The following MUC13 variants were observed in gnomAD, a reference collection of about 807,000 sequenced individuals.
The protein encoded by MUC13 is mucin 13, cell surface associated.
A neutral mutation model predicts 48.3 loss-of-function variants in MUC13; 32 were observed. The ratio of observed to expected loss-of-function variants is 0.66; its 90% CI spans 0.50 to 0.89. The LOEUF is 0.89. Among genes scored for constraint, MUC13 ranks in the 40% least tolerant of loss-of-function variants. The pLI is 0.00. For missense variants in MUC13, 571 were observed against 622.8 expected, an observed-to-expected ratio of 0.92 and a Z score of 0.88; for synonymous variants, 199 against 224.9, an observed-to-expected ratio of 0.88 and a Z score of 1.03.
chr3:124,922,796 A>C (rs1935625383), intron 3 of MUC13, among the ~76,000 whole-genome samples: 1 of 81,236 alleles, frequency 1.2e-5, no homozygotes, highest in African/African-American at 4.6e-5. Context: ...TAAAGGTTGC[A>C]TAATATTCTG....
intron 2 of MUC13, among the ~76,000 whole-genome samples, chr3:124,927,049 C>T (rs1935701844): frequency 6.6e-6 from 1 of 152,176 alleles, no homozygotes; most frequent in Non-Finnish European, 1.5e-5. Context: ...TTCTACCCCT[C>T]AGTCTCAAAT....
Position 124,927,736 on chromosome 3 carries a change from C to T in MUC13, c.310G>A (p.Ala104Thr). ...ACATTTGTGGTTGACTCACTGTCTG[C>T]AGCAGTAGGTATAGGAATTGTGGAG... is the stretch of plus-strand genomic sequence containing the variant. ...SSSTIPIPTA[A>T]DSESTTNVNS... The change falls in exon 2 of 12, where the codon GCA becomes ACA. Residue 104 changes from alanine to threonine, a missense_variant. Physicochemically the swap from Ala to Thr is moderately conservative, Grantham distance 58. Transcript: ENST00000616727. The T allele has an allele frequency of 6.2e-7, 1 of 1,614,016 alleles. No homozygotes were observed. Among genetic ancestry groups the T allele is most frequent in the South Asian group, 1.1e-5 (1 of 91,062 alleles).
chr3:124,922,239 A>G lies in MUC13; in HGVS notation c.702T>C (p.His234=). 6.2e-7 allele frequency: 1 copy of G among 1,614,182 alleles called. No homozygotes were observed. Among genetic ancestry groups the G allele is most frequent in the Non-Finnish European group, 8.5e-7 (1 of 1,180,020 alleles). Residue 234 remains histidine (H), a synonymous_variant, in exon 4 of 12, where the codon CAT becomes CAC. Transcript: ENST00000616727. Reference sequence around the variant, plus strand: ...TATGCAAGTCTTGATAGGCCATGGAATGTTTCTCTTCTGGGTCAAATGTTT... The same window carrying G: ...TATGCAAGTCTTGATAGGCCATGGAGTGTTTCTCTTCTGGGTCAAATGTTT... ...VSETFDPEEK[H]SMAYQDLHSE...
At chr3:124,910,645 G>T (rs771936297) in intron 9 of MUC13, 146 bp from the exon 10 acceptor site, 75 of 1,317,148 alleles carry the variant, frequency 5.7e-5, no homozygotes, top group Non-Finnish European at 7.5e-5. Context: ...TGGGTAGTTG[G>T]CCTATTTCCT....
At chr3:124,922,114 C>T (rs1935606266) in intron 4 of MUC13, 83 bp downstream of exon 4, 1 of 1,498,262 alleles carries the variant, frequency 6.7e-7, no homozygotes, top group African/African-American at 1.4e-5. Flanking sequence ...GAGCGTGAAC[C>T]ACCTGAAGAC....
intron 9 of MUC13, among the ~76,000 whole-genome samples, chr3:124,910,764 C>G (rs529846729): frequency 2.0e-5 from 3 of 152,194 alleles, no homozygotes; most frequent in Non-Finnish European, 4.4e-5. Flanking sequence ...GCAGGGTCTT[C>G]CTGGACTTTG....
intron 1 of MUC13, among the ~76,000 whole-genome samples, chr3:124,932,687 C>A (rs994958645): frequency 6.6e-6 from 1 of 152,128 alleles, no homozygotes; most frequent in Non-Finnish European, 1.5e-5. Context: ...GGCTCTTTGT[C>A]TCATTTAATC....
intron 9 of MUC13, 38 bp from the exon 10 acceptor site, chr3:124,910,537 G>T: frequency 6.2e-7 from 1 of 1,612,062 alleles, no homozygotes; most frequent in Non-Finnish European, 8.5e-7. Context: ...TCTCCAACAA[G>T]CTGGCCCCCA....
intron 11 of MUC13, 73 bp from the exon 12 acceptor site, chr3:124,906,815 A>T (rs1935328247): frequency 6.6e-6 from 1 of 152,228 alleles, no homozygotes; most frequent in Non-Finnish European, 1.5e-5. Context: ...GATCGTTTAG[A>T]TCTGTAAATT....
In MUC13 at chr3:124,922,266, T is replaced by C. The variant is rs569692558; in HGVS notation, c.675A>G (p.Ser225=). The C allele has an allele frequency of 6.2e-7, 1 of 1,614,172 alleles. No homozygotes were observed. Among genetic ancestry groups the C allele is most frequent in the South Asian group, 1.1e-5 (1 of 91,072 alleles). ...GTTTCTCTTCTGGGTCAAATGTTTCTGATACTGTCACTGAAATCTTCCCAG... is the reference window on the plus strand; with the variant it reads ...GTTTCTCTTCTGGGTCAAATGTTTCCGATACTGTCACTGAAATCTTCCCAG... The part of the protein sequence containing the change: ...VFPGKISVTV[S]ETFDPEEKHS... The change falls in exon 4 of 12, where the codon TCA becomes TCG. Residue 225 remains serine (S), a synonymous_variant. Transcript: ENST00000616727.
At chr3:124,920,349 A>G (rs1935573913) in intron 4 of MUC13, 60 bp from the exon 5 acceptor site, 1 of 1,305,112 alleles carries the variant, frequency 7.7e-7, no homozygotes, top group Admixed American at 2.1e-5. Context: ...CATTTTCTAC[A>G]AATCAAATGA....
intron 9 of MUC13, among the ~76,000 whole-genome samples, chr3:124,910,827 C>G (rs1380447838): frequency 6.6e-6 from 1 of 152,214 alleles, no homozygotes; most frequent in South Asian, 2.1e-4. Context: ...CCTCTGCTGC[C>G]TTTGCCTGCC....
At chr3:124,923,116 A>AC (rs1553771867) in intron 3 of MUC13, among the ~76,000 whole-genome samples, 9 of 151,294 alleles carry the variant, frequency 5.9e-5, no homozygotes, top group Admixed American at 3.9e-4. Context: ...AAAAAAAAAA[A>AC]CAGAACTCAG....
In MUC13 at chr3:124,913,677, G is replaced by A. The variant is rs767969862; in HGVS notation, c.969C>T (p.Thr323=). 6.2e-7 allele frequency: 1 copy of A among 1,614,050 alleles called. No individual in the cohort carries two copies. The highest frequency in any genetic ancestry group is 1.1e-5 in the South Asian group (1 of 91,074). The change falls in exon 7 of 12, where the codon ACC becomes ACT. Residue 323 remains threonine (T), a synonymous_variant. Transcript: ENST00000616727. ...TACAGCCATAATAATCACACCGAAG[G>A]GTCACTGAGAAGCACAAATAGTTTA... The part of the protein sequence containing the change: ...SSSNFLNYDL[T]LRCDYYGCNQ...
Position 124,913,598 on chromosome 3 carries a change from G to A in MUC13, c.1048C>T (p.Leu350=), listed in dbSNP as rs1459845526. 6.2e-7 allele frequency: 1 copy of A among 1,614,230 alleles called. No homozygotes were observed. The highest frequency in any genetic ancestry group is 1.1e-5 in the South Asian group (1 of 91,084). Residue 350 remains leucine, a synonymous_variant, in exon 7 of 12, where the codon CTG becomes TTG. Transcript: ENST00000616727. Reference sequence around the variant, plus strand: ...GGGCTCTGTGGGTTAGGCCTTTGCAGGTCAGATTTGCAATCGCATGCTAAA... The same window carrying A: ...GGGCTCTGTGGGTTAGGCCTTTGCAAGTCAGATTTGCAATCGCATGCTAAA... ...NGLACDCKSD[L]QRPNPQSPFC... is the part of the protein sequence containing the mutation.
At position 124,913,194 on chromosome 3, in the gene MUC13, T is replaced by C. The variant is rs1181435128; in HGVS notation, c.1131A>G (p.Gln377=). The stretch of plus-strand genomic sequence containing the variant: ...CCCCACCACTCTTCTTTATTAAGCA[T>C]TGCTTGTGCTGTGCGTTGCAGGCAT... ...CPDACNAQHK[Q]CLIKKSGGAP... Residue 377 remains glutamine (Q), a synonymous_variant, in exon 8 of 12, where the codon CAA becomes CAG. Transcript: ENST00000616727. The C allele has an allele frequency of 3.1e-6, 5 of 1,614,104 alleles. No homozygotes were observed. Among genetic ancestry groups the C allele is most frequent in the South Asian group, 1.1e-5 (1 of 91,064 alleles).
chr3:124,923,239 T>C (rs1935632223), intron 3 of MUC13, among the ~76,000 whole-genome samples: 1 of 152,188 alleles, frequency 6.6e-6, no homozygotes, highest in Admixed American at 6.5e-5. Flanking sequence ...AGGGCTCTTA[T>C]GTCTCTAAGA....
intron 2 of MUC13, among the ~76,000 whole-genome samples, chr3:124,924,200 A>G (rs1935650875): frequency 6.6e-6 from 1 of 152,238 alleles, no homozygotes; most frequent in African/African-American, 2.4e-5. Flanking sequence ...AACTCAGTGA[A>G]AATTCTAAGA....
chr3:124,908,392 T>C, intron 10 of MUC13, 44 bp from the exon 11 acceptor site: 1 of 1,438,696 alleles, frequency 7.0e-7, no homozygotes, highest in Non-Finnish European at 9.7e-7. Context: ...TGGCAGAAAG[T>C]TTCTTGAAGT....
Sources: allele counts gnomAD v4.1 joint callset (sites outside exome capture counted in the v4.1 genomes callset), GRCh38; gene constraint gnomAD v4.1.1; transcripts MANE v1.5; gene names NCBI Gene and HGNC (gene_info 2026-07-23, HGNC 2026-07-21).